The following ZNF7 variants were observed in gnomAD, a reference collection of about 807,000 sequenced individuals.
ZNF7 encodes the protein zinc finger protein 7.
ZNF7 carries 10 observed loss-of-function variants against 12.0 expected under a neutral mutation model. The ratio of observed to expected loss-of-function variants is 0.83; its 90% CI spans 0.51 to 1.42. The LOEUF (loss-of-function observed/expected upper bound fraction) is 1.42, where lower values mean the gene tolerates loss of function less well. Ranked by LOEUF, ZNF7 falls within the 40% of genes most tolerant of loss-of-function variation. ZNF7 has a pLI of 0.00. For missense variants in ZNF7, 854 were observed against 837.2 expected (o/e 1.02, Z -0.25); for synonymous variants, 334 against 295.0 (o/e 1.13, Z -1.35).
chr8:144,842,964 C>T lies in ZNF7; in HGVS notation c.1857C>T (p.Ser619=). Reference sequence around the variant, plus strand: ...AATATGGGAATGCCCTGGAAGGGTCCACCTTTGTGAGCCGTAAAAAGGTTA... The same window carrying T: ...AATATGGGAATGCCCTGGAAGGGTCTACCTTTGTGAGCCGTAAAAAGGTTA... The part of the protein sequence containing the change: ...FYEYGNALEG[S]TFVSRKKVNT... Residue 619 remains serine, a synonymous_variant, in exon 5 of 5, where the codon TCC becomes TCT. Transcript: ENST00000532777. 1 of 1,614,188 alleles carries T rather than the reference C, an allele frequency of 6.2e-7. No homozygotes were observed. The highest frequency in any genetic ancestry group is 2.2e-5 in the East Asian group (1 of 44,890).
intron 4 of ZNF7, among the ~76,000 whole-genome samples, chr8:144,840,344 G>A (rs547676116): frequency 7.9e-5 from 12 of 152,352 alleles, no homozygotes; most frequent in African/African-American, 1.7e-4. Flanking sequence ...CCTGGAAGCC[G>A]GAGACTCACC....
chr8:144,841,897 C>A lies in ZNF7; in HGVS notation c.790C>A (p.Gln264Lys). The change falls in exon 5 of 5, where the codon CAG becomes AAG. Residue 264 changes from glutamine to lysine, a missense_variant. Transcript: ENST00000532777. ...ECGKVFRLCS[Q>K]LNQHQRIHTG... ...TGGGAAAGTCTTCAGGCTCTGCTCG[C>A]AGCTTAATCAGCATCAGAGAATCCA... is the stretch of plus-strand genomic sequence containing the variant. The A allele has an allele frequency of 1.9e-6, 3 of 1,614,096 alleles. No homozygotes were observed. The highest frequency in any genetic ancestry group is 2.5e-6 in the Non-Finnish European group (3 of 1,180,000).
rs1269008008 is a variant in ZNF7, at chr8:144,829,552, G to A, written c.78G>A (p.Arg26=). 1.8e-5 allele frequency: 29 copies of A among 1,614,004 alleles called. No individual in the cohort carries two copies. Among genetic ancestry groups the A allele is most frequent in the Non-Finnish European group, 2.4e-5 (28 of 1,179,986 alleles). The part of the protein sequence containing the change: ...EEWQCLDPGQ[R]ALYREVMLEN... ...GGCAGTGTCTGGACCCTGGCCAGAG[G>A]GCCCTCTACAGGGAAGTGATGCTGG... The change falls in exon 3 of 5, where the codon AGG becomes AGA. Residue 26 remains arginine, a synonymous_variant. Transcript: ENST00000532777.
At chr8:144,829,627 C>T in intron 3 of ZNF7, 23 bp downstream of exon 3, 2 of 1,589,472 alleles carry the variant, frequency 1.3e-6, no homozygotes, top group South Asian at 2.2e-5. Context: ...CTTGGGGCCC[C>T]TTCCCCTGCA....
chr8:144,840,971 G>T (rs986031996), intron 4 of ZNF7: 1 of 201,684 alleles, frequency 5.0e-6, no homozygotes, highest in Non-Finnish European at 1.0e-5. Flanking sequence ...CTGTTTCCTC[G>T]CCAGCTCGGA....
At chr8:144,846,081 C>T, downstream of ZNF7, 1 of 1,536,450 alleles carries the variant, frequency 6.5e-7, no homozygotes, top group Non-Finnish European at 8.7e-7. Flanking sequence ...CAAAGACTGA[C>T]CCTGCCTCCT....
In ZNF7 at chr8:144,841,937, C is replaced by A. The variant is rs201735537; in HGVS notation, c.830C>A (p.Pro277His). The A allele has an allele frequency of 3.3e-5, 53 of 1,614,168 alleles. No individual in the cohort carries two copies. The highest frequency in any genetic ancestry group is 4.2e-5 in the Non-Finnish European group (49 of 1,180,040). Residue 277 changes from proline to histidine, a missense_variant, in exon 5 of 5, where the codon CCC becomes CAC. Physicochemically the swap from Pro to His is moderately conservative, Grantham distance 77. Transcript: ENST00000532777. ...QHQRIHTGEK[P>H]FKCTECGKAF... ...CAGAGAATCCACACGGGAGAGAAAC[C>A]CTTTAAATGCACTGAGTGTGGAAAA...
At chr8:144,837,760 G>C (rs1264911499) in intron 4 of ZNF7, among the ~76,000 whole-genome samples, 1 of 152,140 alleles carries the variant, frequency 6.6e-6, no homozygotes, top group Non-Finnish European at 1.5e-5. Flanking sequence ...GCTTGTTTTT[G>C]AATCATGTCA....
At chr8:144,839,667 C>G (rs931249627) in intron 4 of ZNF7, among the ~76,000 whole-genome samples, 1 of 152,224 alleles carries the variant, frequency 6.6e-6, no homozygotes, top group Non-Finnish European at 1.5e-5. Context: ...GAGTCCGGGG[C>G]AGGGATGTAG....
chr8:144,841,318 A>G (rs748044328), intron 4 of ZNF7, 37 bp from the exon 5 acceptor site: 2 of 1,556,690 alleles, frequency 1.3e-6, no homozygotes, highest in South Asian at 1.2e-5. Flanking sequence ...CTCTGAGCAC[A>G]GGGCCTAAGG....
downstream of ZNF7, chr8:144,846,704 C>CTTCTTTTTTT (rs1273191489): frequency 6.5e-6 from 1 of 153,172 alleles, no homozygotes; most frequent in Non-Finnish European, 1.5e-5. Flanking sequence ...GAGGAGGAGT[C>CTTCTTTTTTT]TTCTTTTTTT....
chr8:144,827,572 G>A lies in ZNF7; in HGVS notation c.-83G>A. 1 of 985,726 alleles carries A rather than the reference G, an allele frequency of 1.0e-6. No individual in the cohort carries two copies. The highest frequency in any genetic ancestry group is 1.7e-5 in the African/African-American group (1 of 57,368). 61.1% of individuals were successfully genotyped at this position (985,726 alleles called of 1,614,324 possible). A position where few individuals can be genotyped will look rare whatever the true frequency, so the allele number is the denominator to read the frequency against. ...GTGGCCAAGGCCCGTTTCCGGCGGC[G>A]TCGCGCGTTTGCGAGCCTCGGGTGG... On this transcript the variant is annotated 5_prime_UTR_variant, in exon 1 of 5. Coordinates refer to ENST00000532777, the MANE Select transcript of ZNF7 (RefSeq NM_003416.4).
At position 144,842,121 on chromosome 8, in the gene ZNF7, G is replaced by C. The variant is rs756726658; in HGVS notation, c.1014G>C (p.Glu338Asp). The change falls in exon 5 of 5, where the codon GAG (glutamate) becomes GAC (aspartate). Residue 338 changes from glutamate (E) to aspartate (D), a missense_variant. Glu to Asp is a conservative substitution (Grantham distance 45). Transcript: ENST00000532777. ...HTGERPYGCR[E>D]CGKAFSQQSQ... is the part of the protein sequence containing the mutation. ...GAGAGAGGCCCTATGGTTGTCGTGA[G>C]TGTGGGAAAGCCTTCAGCCAGCAGT... is the stretch of plus-strand genomic sequence containing the variant. The C allele has an allele frequency of 6.2e-7, 1 of 1,614,064 alleles. No individual in the cohort carries two copies. The highest frequency in any genetic ancestry group is 8.5e-7 in the Non-Finnish European group (1 of 1,179,986).
chr8:144,837,992 A>G, intron 4 of ZNF7: 1 of 685,318 alleles, frequency 1.5e-6, no homozygotes, highest in South Asian at 1.5e-5. Context: ...AACAACAGAA[A>G]TTTATTGTCT....
rs757165753 is a variant in ZNF7 at position 144,841,684 on chromosome 8, G to A, written c.577G>A (p.Gly193Arg). Residue 193 changes from glycine to arginine, a missense_variant, in exon 5 of 5, where the codon GGG (glycine) becomes AGG (arginine). Physicochemically the swap from Gly to Arg is moderately radical, Grantham distance 125. Coordinates refer to ENST00000532777, the MANE Select transcript of ZNF7 (RefSeq NM_003416.4). Reference protein sequence around the residue: ...PLESQGESAEGMSQRCEECGK... With the variant: ...PLESQGESAERMSQRCEECGK... ...TGAAAGTCAGGGAGAGAGTGCGGAA[G>A]GGATGTCCCAGAGATGCGAGGAGTG... is the stretch of plus-strand genomic sequence containing the variant. 2 of 1,614,062 alleles carry A rather than the reference G, an allele frequency of 1.2e-6. No homozygotes were observed. The highest frequency in any genetic ancestry group is 4.5e-5 in the East Asian group (2 of 44,900).
In ZNF7 at chr8:144,837,447, C is replaced by A; in HGVS notation, c.187C>A (p.Pro63Thr). Residue 63 changes from proline to threonine, a missense_variant, in exon 4 of 5, where the codon CCA becomes ACA. Pro to Thr is a conservative substitution (Grantham distance 38, BLOSUM62 -1). Transcript: ENST00000532777. Reference protein sequence around the residue: ...LISRLEQGEEPWVLDLQGAEG... With the variant: ...LISRLEQGEETWVLDLQGAEG... ...CTCTCGGCTGGAGCAGGGAGAAGAG[C>A]CATGGGTCCTCGACCTGCAGGGAGC... The A allele has an allele frequency of 6.2e-7, 1 of 1,613,154 alleles. No homozygotes were observed. Among genetic ancestry groups the A allele is most frequent in the Middle Eastern group, 1.7e-4 (1 of 6,058 alleles).
intron 1 of ZNF7, 46 bp from the exon 2 acceptor site, chr8:144,828,997 G>C: frequency 6.3e-7 from 1 of 1,598,652 alleles, no homozygotes; most frequent in Non-Finnish European, 8.5e-7. Flanking sequence ...CCTGGAAGTT[G>C]GGCTTCTGGC....
At position 144,842,056 on chromosome 8, in the gene ZNF7, C is replaced by G. The variant is rs776259525; in HGVS notation, c.949C>G (p.Gln317Glu). 1.9e-6 allele frequency: 3 copies of G among 1,614,040 alleles called. No individual in the cohort carries two copies. The highest frequency in any genetic ancestry group is 2.5e-6 in the Non-Finnish European group (3 of 1,179,984). The change falls in exon 5 of 5, where the codon CAG becomes GAG. Residue 317 changes from glutamine (Q) to glutamate (E), a missense_variant. Gln to Glu is a conservative substitution (Grantham distance 29). Coordinates refer to ENST00000532777, the MANE Select transcript of ZNF7 (RefSeq NM_003416.4). ...RCEECGKAFG[Q>E]SSSLIHHQRI... ...TGAGGAATGTGGAAAAGCTTTTGGT[C>G]AGAGCTCAAGCCTCATCCACCATCA...
chr8:144,839,693 A>G (rs1009961075), intron 4 of ZNF7, among the ~76,000 whole-genome samples: 9 of 152,252 alleles, frequency 5.9e-5, no homozygotes, highest in African/African-American at 2.2e-4. Context: ...TAGATAAAAC[A>G]TGCAGCAGCA....
Sources: allele counts gnomAD v4.1 joint callset (sites outside exome capture counted in the v4.1 genomes callset), GRCh38; gene constraint gnomAD v4.1.1; transcripts MANE v1.5; gene names NCBI Gene and HGNC (gene_info 2026-07-23, HGNC 2026-07-21).